SMG1: variants seen among roughly 807,000 people sequenced by gnomAD.
The protein encoded by SMG1 is SMG1 nonsense mediated mRNA decay associated PI3K related kinase.
In SMG1, 22 loss-of-function variants were observed where a neutral mutation model predicts 419.9. The observed-to-expected ratio is 0.05, with a 90% CI of 0.04 to 0.07. SMG1 has a LOEUF of 0.07. SMG1 is among the 10% of genes least tolerant of loss of function. SMG1 has a pLI of 1.00. For missense variants in SMG1, 3,185 were observed against 4,342.0 expected (o/e 0.73, Z 7.49); for synonymous variants, 1,538 against 1,553.5 (o/e 0.99, Z 0.23).
At position 18,926,164 on chromosome 16, in the gene SMG1, G is replaced by A. The variant is rs2038400135; in HGVS notation, c.-123C>T. ...CTGAGGAGGAAGCCGAGAAGGAGGA[G>A]GAGGAGGAGGAGGAGGAGAAGGAGG... On this transcript the variant is annotated 5_prime_UTR_variant, in exon 1 of 63. Coordinates refer to ENST00000446231, the MANE Select transcript of SMG1 (RefSeq NM_015092.5). 1 of 741,170 alleles carries A rather than the reference G, an allele frequency of 1.3e-6. No homozygotes were observed. Among genetic ancestry groups the A allele is most frequent in the Non-Finnish European group, 2.1e-6 (1 of 482,730 alleles). The allele number at this position is 741,170 out of a possible 1,614,324, so 45.9% of individuals were successfully genotyped here.
At chr16:18,811,646 A>C (rs1251886797) in intron 62 of SMG1, 115 bp downstream of exon 62, 1 of 959,188 alleles carries the variant, frequency 1.0e-6, no homozygotes, top group African/African-American at 1.6e-5. Flanking sequence ...TGAATCCTGA[A>C]AACACATTTA....
At chr16:18,891,651 A>G (rs2036886697) in intron 4 of SMG1, among the ~76,000 whole-genome samples, 2 of 152,188 alleles carry the variant, frequency 1.3e-5, no homozygotes, top group East Asian at 1.9e-4. Context: ...GCAGGCTGGT[A>G]TCGAACTCCT....
intron 1 of SMG1, 104 bp from the exon 2 acceptor site, chr16:18,897,060 T>C (rs2037160969): frequency 1.3e-6 from 1 of 765,140 alleles, no homozygotes; most frequent in Admixed American, 2.7e-5. Flanking sequence ...ACCATTACTA[T>C]TTAGTGTAAT....
chr16:18,915,672 G>A (rs141004164), intron 1 of SMG1, among the ~76,000 whole-genome samples: 118 of 152,250 alleles, frequency 7.8e-4, no homozygotes, highest in African/African-American at 2.8e-3. Context: ...TGAAAAAAAC[G>A]TGGCAGGAAT....
chr16:18,840,360 A>C (rs1009051901), intron 41 of SMG1, among the ~76,000 whole-genome samples: 1 of 152,258 alleles, frequency 6.6e-6, no homozygotes, highest in Non-Finnish European at 1.5e-5. Flanking sequence ...TTACATGAGA[A>C]TTTAGATAGC....
intron 3 of SMG1, among the ~76,000 whole-genome samples, chr16:18,894,719 A>G (rs1479109865): frequency 6.6e-6 from 1 of 151,920 alleles, no homozygotes; most frequent in African/African-American, 2.4e-5. Context: ...AATGTCCAAA[A>G]AGTAATTACA....
intron 1 of SMG1, among the ~76,000 whole-genome samples, chr16:18,915,180 G>C (rs1312679580): frequency 2.0e-5 from 3 of 151,988 alleles, no homozygotes; most frequent in African/African-American, 7.2e-5. Context: ...TCACCATGTT[G>C]GCCAGGATGG....
At chr16:18,874,560 T>TAAAA (rs531685275) in intron 13 of SMG1, among the ~76,000 whole-genome samples, 2 of 110,668 alleles carry the variant, frequency 1.8e-5, no homozygotes, top group African/African-American at 3.4e-5. Context: ...TCGAATTACT[T>TAAAA]AAAAAAAAAA....
Position 18,845,519 on chromosome 16 carries a change from G to A in SMG1, c.6129C>T (p.Asn2043=). ...GGGCATTTTCAATGGCATCACCATA[G>A]TTATCCTGAAACCATTTTTCATGAG... ...ETPHEKWFQD[N]YGDAIENALE... The change falls in exon 39 of 63, where the codon AAC becomes AAT. Residue 2043 remains asparagine (N), a synonymous_variant. Transcript: ENST00000446231. The A allele has an allele frequency of 6.2e-7, 1 of 1,613,924 alleles. No homozygotes were observed. The highest frequency in any genetic ancestry group is 8.5e-7 in the Non-Finnish European group (1 of 1,179,882).
In SMG1 at chr16:18,828,077, T is replaced by A; in HGVS notation, c.9695A>T (p.Lys3232Met). 6.2e-7 allele frequency: 1 copy of A among 1,613,482 alleles called. No individual in the cohort carries two copies. The highest frequency in any genetic ancestry group is 8.5e-7 in the Non-Finnish European group (1 of 1,179,648). Residue 3232 changes from lysine (K) to methionine (M), a missense_variant, in exon 55 of 63, where the codon AAG becomes ATG. Lys to Met is a moderately conservative substitution (Grantham distance 95). Around this residue, in one of 27 missense-constraint regions of SMG1, gnomAD observed 737 missense variants for 846.6 expected, o/e 0.87. Transcript: ENST00000446231. ...RSAILTSMKK[K>M]LHTLSQIETS... is the part of the protein sequence containing the mutation. ...TTCAATCTGGCTCAGGGTATGCAGC[T>A]TCTTTTTCATGCTGGTTAGGATAGC...
Position 18,845,440 on chromosome 16 carries a change from G to C in SMG1, c.6208C>G (p.Pro2070Ala), listed in dbSNP as rs757061432. ...NPAKPGSSWI[P>A]FKEIMLSLQQ... is the part of the protein sequence containing the mutation. ...GGATTATTCTGTACCTCTTTAAATGGAATCCAGCTGCTCCCAGGCTTTGCA... is the reference window on the plus strand; with the variant it reads ...GGATTATTCTGTACCTCTTTAAATGCAATCCAGCTGCTCCCAGGCTTTGCA... The change falls in exon 39 of 63, where the codon CCA becomes GCA. Residue 2070 changes from proline to alanine, a missense_variant. Transcript: ENST00000446231. 6 of 1,613,648 alleles carry C rather than the reference G, an allele frequency of 3.7e-6. No homozygotes were observed. In the South Asian group the frequency reaches 4.4e-5, roughly 12 times the overall value.
intron 41 of SMG1, 22 bp from the exon 42 acceptor site, chr16:18,839,968 TAAAAAAGAAAAG>T: frequency 6.6e-7 from 1 of 1,509,810 alleles, no homozygotes; most frequent in Non-Finnish European, 8.9e-7. Flanking sequence ...ACAATTTTTT[TAAAAAAGAAAAG>T]ATCAATTTTA....
rs775875293 is a variant in SMG1, at chr16:18,829,259, A to G, written c.9603+27T>C. 6.4e-6 allele frequency: 10 copies of G among 1,566,220 alleles called. No homozygotes were observed. In the South Asian group the frequency reaches 1.2e-4, roughly 18 times the overall value. On this transcript the variant is annotated intron_variant, in intron 54 of 62. Coordinates refer to ENST00000446231, the MANE Select transcript of SMG1 (RefSeq NM_015092.5). ...TTTTCAAGTTTCCTACCTTGAGGAA[A>G]AACACATTATAAACAAAAACACTTA...
chr16:18,888,916 A>G (rs1030253017), intron 6 of SMG1, among the ~76,000 whole-genome samples: 2 of 145,440 alleles, frequency 1.4e-5, no homozygotes, highest in Non-Finnish European at 3.0e-5. Flanking sequence ...TCCGCCTCGC[A>G]GGTTCACGGC....
In SMG1 at chr16:18,831,505, G is replaced by A. The variant is rs1351900302; in HGVS notation, c.8793-1136C>T. 2.0e-5 allele frequency among the ~76,000 whole-genome samples: 3 copies of A among 152,040 alleles called. No individual in the cohort carries two copies. In the East Asian group the frequency reaches 5.8e-4, roughly 29 times the overall value. On this transcript the variant is annotated intron_variant, in intron 51 of 62. Transcript: ENST00000446231. Reference sequence around the variant, plus strand: ...CTGAAATTCAGTGCAAAACAAAGATGTACAGATCTAGCATTTAACTTTTTA... The same window carrying A: ...CTGAAATTCAGTGCAAAACAAAGATATACAGATCTAGCATTTAACTTTTTA...
chr16:18,921,654 T>G (rs1163533522), intron 1 of SMG1, among the ~76,000 whole-genome samples: 2 of 152,322 alleles, frequency 1.3e-5, no homozygotes, highest in East Asian at 3.9e-4. Flanking sequence ...CTTCACTTAA[T>G]TTTATCCTTT....
intron 1 of SMG1, among the ~76,000 whole-genome samples, chr16:18,917,377 G>A (rs1450482267): frequency 2.6e-5 from 4 of 151,066 alleles, no homozygotes; most frequent in African/African-American, 7.3e-5. Flanking sequence ...GGTCTCTCCC[G>A]ACCTCAGATG....
At chr16:18,906,406 C>G (rs2037563927) in intron 1 of SMG1, among the ~76,000 whole-genome samples, 1 of 151,998 alleles carries the variant, frequency 6.6e-6, no homozygotes, top group East Asian at 1.9e-4. Context: ...TCGCTTGAAC[C>G]CAGGAGGTGG....
chr16:18,871,252 T>C, intron 16 of SMG1, 112 bp downstream of exon 16: 4 of 565,532 alleles, frequency 7.1e-6, no homozygotes, highest in Non-Finnish European at 1.3e-5. Flanking sequence ...AAATGAGGAT[T>C]ACACATCTTC....
Sources: allele counts gnomAD v4.1 joint callset (sites outside exome capture counted in the v4.1 genomes callset), GRCh38; gene constraint gnomAD v4.1.1; regional missense constraint gnomAD v4.1.1; transcripts MANE v1.5; gene names NCBI Gene and HGNC (gene_info 2026-07-23, HGNC 2026-07-21).